The following RASA1 variants were observed in gnomAD, a reference collection of about 807,000 sequenced individuals.
RASA1 encodes the protein ras GTPase-activating protein 1.
Under a neutral mutation model 132.2 loss-of-function variants are expected in RASA1, and 25 were observed. The ratio of observed to expected loss-of-function variants is 0.19; its 90% confidence interval spans 0.14 to 0.26. RASA1 has a LOEUF of 0.26. Among genes scored for constraint, RASA1 ranks in the 10% least tolerant of loss-of-function variants. The pLI, the probability that RASA1 is intolerant of heterozygous loss-of-function variation, is 1.00. For synonymous variants in RASA1, 477 were observed against 449.9 expected (o/e 1.06, Z -0.76); for missense variants, 964 against 1,299.2 (o/e 0.74, Z 3.97).
rs1230154964 is a variant in RASA1, at chr5:87,376,467, A to T, written c.2086A>T (p.Ile696Leu). 1 of 1,614,056 alleles carries T rather than the reference A, an allele frequency of 6.2e-7. No individual in the cohort carries two copies. Among genetic ancestry groups the T allele is most frequent in the Admixed American group, 1.7e-5 (1 of 60,022 alleles). The change falls in exon 16 of 25, where the codon ATA (isoleucine) becomes TTA (leucine). Residue 696 changes from isoleucine (I) to leucine (L), a missense_variant. Around this residue, in one of 6 missense-constraint regions of RASA1, gnomAD observed 346 missense variants for 520.1 expected, o/e 0.67. Coordinates refer to ENST00000274376, the MANE Select transcript of RASA1 (RefSeq NM_002890.3). ...TDEWFLLSSH[I>L]PLKGIEPGSL... ...TGAATGGTTTCTGCTCAGCTCCCATATACCATTAAAAGGTATTGAACCAGG... is the reference window on the plus strand; with the variant it reads ...TGAATGGTTTCTGCTCAGCTCCCATTTACCATTAAAAGGTATTGAACCAGG...
intron 11 of RASA1, among the ~76,000 whole-genome samples, chr5:87,369,022 T>C (rs1187852231): frequency 6.6e-6 from 1 of 152,200 alleles, no homozygotes; most frequent in East Asian, 1.9e-4. Context: ...CATGAAAATA[T>C]AGTCTTTATC....
At chr5:87,336,651 A>G (rs890497021) in intron 4 of RASA1, among the ~76,000 whole-genome samples, 8 of 152,138 alleles carry the variant, frequency 5.3e-5, no homozygotes, top group African/African-American at 1.9e-4. Context: ...AGCAACAACA[A>G]TGAAACTTGA....
intron 20 of RASA1, among the ~76,000 whole-genome samples, chr5:87,383,075 C>T (rs1761833071): frequency 6.6e-6 from 1 of 151,840 alleles, no homozygotes. Context: ...GCCTGGGTGA[C>T]AGAACAAAAC....
chr5:87,359,132 A>G (rs574558784), intron 9 of RASA1, among the ~76,000 whole-genome samples: 4 of 152,334 alleles, frequency 2.6e-5, no homozygotes, highest in African/African-American at 9.6e-5. Flanking sequence ...AAGAACTACA[A>G]CAGTGCCTGA....
At chr5:87,367,079 T>C (rs1228429031) in intron 11 of RASA1, among the ~76,000 whole-genome samples, 2 of 152,134 alleles carry the variant, frequency 1.3e-5, no homozygotes, top group East Asian at 3.9e-4. Flanking sequence ...TTTCAAAGTA[T>C]GCTACTTTAT....
chr5:87,308,741 G>A (rs914510139), intron 1 of RASA1, among the ~76,000 whole-genome samples: 3 of 152,052 alleles, frequency 2.0e-5, no homozygotes, highest in Admixed American at 1.3e-4. Flanking sequence ...TTTTTATTGT[G>A]TCTTTTCTGT....
intron 1 of RASA1, among the ~76,000 whole-genome samples, chr5:87,303,793 A>G (rs548088820): frequency 1.3e-5 from 2 of 150,348 alleles, no homozygotes; most frequent in East Asian, 3.9e-4. Flanking sequence ...TAATGAATTG[A>G]TTACTGTATT....
chr5:87,302,549 C>A (rs527511515), intron 1 of RASA1, among the ~76,000 whole-genome samples: 34 of 148,984 alleles, frequency 2.3e-4, no homozygotes, highest in African/African-American at 8.2e-4. Context: ...TCTTTGTGGT[C>A]GAAGTGTAAC....
chr5:87,293,908 C>T (rs896460895), intron 1 of RASA1, among the ~76,000 whole-genome samples: 8 of 151,860 alleles, frequency 5.3e-5, no homozygotes, highest in African/African-American at 1.5e-4. Flanking sequence ...GGGTCAGTAG[C>T]GATTAGTAAA....
intron 1 of RASA1, among the ~76,000 whole-genome samples, chr5:87,299,099 A>G (rs1755243521): frequency 6.6e-6 from 1 of 152,108 alleles, no homozygotes; most frequent in African/African-American, 2.4e-5. Flanking sequence ...CTGATTTTTC[A>G]CCCTCAAAAA....
At chr5:87,279,408 G>A (rs989095412) in intron 1 of RASA1, among the ~76,000 whole-genome samples, 1 of 152,040 alleles carries the variant, frequency 6.6e-6, no homozygotes, top group Admixed American at 6.6e-5. Context: ...TTCAGCCATT[G>A]GGGAACATTT....
Position 87,268,869 on chromosome 5 carries a change from C to T in RASA1, c.418C>T (p.Pro140Ser), listed in dbSNP as rs751440049. The T allele has an allele frequency of 1.9e-6, 3 of 1,614,176 alleles. No individual in the cohort carries two copies. Among genetic ancestry groups the T allele is most frequent in the South Asian group, 2.2e-5 (2 of 91,078 alleles). ...PGGGFPPLPP[P>S]PYLPPLGAGL... ...CGGCGGTTTTCCCCCTCTGCCCCCT[C>T]CCCCTTACCTGCCCCCTTTGGGGGC... The change falls in exon 1 of 25, where the codon CCC becomes TCC. Residue 140 changes from proline (P) to serine (S), a missense_variant. Transcript: ENST00000274376.
chr5:87,279,357 T>C (rs1023041791), intron 1 of RASA1, among the ~76,000 whole-genome samples: 6 of 152,348 alleles, frequency 3.9e-5, no homozygotes, highest in South Asian at 4.1e-4. Context: ...CATTGCTGAA[T>C]AGTAGTCCAT....
chr5:87,362,850 C>T (rs1760216748), intron 10 of RASA1, among the ~76,000 whole-genome samples, 179 bp downstream of exon 10: 1 of 151,264 alleles, frequency 6.6e-6, no homozygotes, highest in Non-Finnish European at 1.5e-5. Flanking sequence ...TAAAAGTCTA[C>T]ATTTTCAACC....
intron 24 of RASA1, among the ~76,000 whole-genome samples, chr5:87,390,431 C>A (rs1200591853): frequency 6.6e-6 from 1 of 151,518 alleles, no homozygotes; most frequent in Non-Finnish European, 1.5e-5. Context: ...CCCCGCCCCT[C>A]CCCCCGCAGC....
intron 1 of RASA1, among the ~76,000 whole-genome samples, chr5:87,280,908 A>G (rs1385852872): frequency 6.7e-6 from 1 of 149,212 alleles, no homozygotes; most frequent in Non-Finnish European, 1.5e-5. Flanking sequence ...GGCGCCTGCC[A>G]CCACGCCTGG....
intron 13 of RASA1, 67 bp downstream of exon 13, chr5:87,372,262 T>G (rs1761003623): frequency 7.0e-7 from 1 of 1,431,418 alleles, no homozygotes; most frequent in Non-Finnish European, 9.8e-7. Context: ...CTTTTTATTT[T>G]ATTTTTATCT....
chr5:87,295,392 C>T (rs185112169), intron 1 of RASA1, among the ~76,000 whole-genome samples: 2 of 151,690 alleles, frequency 1.3e-5, no homozygotes, highest in Non-Finnish European at 2.9e-5. Context: ...ATTTGTTGCC[C>T]TGTTTCTTTG....
chr5:87,372,991 A>G (rs1761059973), intron 13 of RASA1, among the ~76,000 whole-genome samples: 1 of 152,190 alleles, frequency 6.6e-6, no homozygotes, highest in Non-Finnish European at 1.5e-5. Flanking sequence ...GTATACACAC[A>G]ATCGCCATGT....
Sources: allele counts gnomAD v4.1 joint callset (sites outside exome capture counted in the v4.1 genomes callset), GRCh38; gene constraint gnomAD v4.1.1; regional missense constraint gnomAD v4.1.1; transcripts MANE v1.5; gene names NCBI Gene and HGNC (gene_info 2026-07-23, HGNC 2026-07-21).